RD3: variants seen among roughly 807,000 people sequenced by gnomAD.
RD3 encodes the protein protein RD3.
A neutral mutation model predicts 16.9 loss-of-function variants in RD3; 11 were observed. The ratio of observed to expected loss-of-function variants is 0.65; its 90% CI spans 0.41 to 1.08. The LOEUF is 1.08. Ranked by LOEUF, RD3 falls within the 50% of genes least tolerant of loss-of-function variation. RD3 has a pLI of 0.00. For synonymous variants in RD3, 116 were observed against 114.8 expected (o/e 1.01, Z -0.07); for missense variants, 274 against 267.4 (o/e 1.02, Z -0.17).
chr1:211,488,492 G>A (rs1157751305), intron 1 of RD3, among the ~76,000 whole-genome samples: 1 of 145,148 alleles, frequency 6.9e-6, no homozygotes, highest in Non-Finnish European at 1.5e-5. Flanking sequence ...CCAAGATGGT[G>A]CCACTGCACT....
chr1:211,487,248 C>A (rs1189627194), intron 1 of RD3, among the ~76,000 whole-genome samples: 1 of 152,200 alleles, frequency 6.6e-6, no homozygotes, highest in Non-Finnish European at 1.5e-5. Flanking sequence ...ATCCCTGCCC[C>A]GTTCATTCTC....
chr1:211,482,657 T>A (rs1461891334), intron 1 of RD3, among the ~76,000 whole-genome samples: 1 of 151,776 alleles, frequency 6.6e-6, no homozygotes, highest in East Asian at 1.9e-4. Flanking sequence ...AATACAAATT[T>A]AGTGAAGGAC....
rs1705214764 is a variant in RD3, at chr1:211,479,285, C to G, written c.339G>C (p.Glu113Asp). ...LLAEQEPEVQ[E>D]VSQLFRSVLQ... ...GCACCGAGCGGAAGAGCTGGGACAC[C>G]TCCTGCACCTCGGGCTCCTGCTCCG... Residue 113 changes from glutamate to aspartate, a missense_variant, in exon 3 of 3, where the codon GAG (glutamate) becomes GAC (aspartate). Glu to Asp is a conservative substitution (Grantham distance 45, BLOSUM62 2). Transcript: ENST00000680073. 6.2e-7 allele frequency: 1 copy of G among 1,605,224 alleles called. No individual in the cohort carries two copies. The highest frequency in any genetic ancestry group is 1.1e-5 in the South Asian group (1 of 89,316).
chr1:211,485,313 C>G (rs540407905), intron 1 of RD3, among the ~76,000 whole-genome samples: 1 of 152,270 alleles, frequency 6.6e-6, no homozygotes. Flanking sequence ...TCATCTCCTC[C>G]CCATCCCCTC....
At position 211,477,894 on chromosome 1, in the gene RD3, G is replaced by T. The variant is rs1260569990; in HGVS notation, c.*1142C>A. The stretch of plus-strand genomic sequence containing the variant: ...CCAGAGTGTGTGGGAAGGCCTCCTG[G>T]CCTTCCAGATTTTCCATGGGTGATC... On this transcript the variant is annotated 3_prime_UTR_variant, in exon 3 of 3. Transcript: ENST00000680073. The T allele has an allele frequency of 5.1e-6, 2 of 389,804 alleles. No homozygotes were observed. The highest frequency in any genetic ancestry group is 4.5e-6 in the Non-Finnish European group (1 of 221,312). The allele number at this position is 389,804 out of a possible 1,614,324, so 24.1% of individuals were successfully genotyped here.
chr1:211,484,953 C>T (rs780084417), intron 1 of RD3, among the ~76,000 whole-genome samples: 3 of 152,232 alleles, frequency 2.0e-5, no homozygotes, highest in African/African-American at 2.4e-5. Flanking sequence ...AGTGGGCGGG[C>T]GACTGTCTGG....
Position 211,482,381 on chromosome 1 carries a change from T to C in RD3, c.-11-955A>G, listed in dbSNP as rs191294909. Reference sequence around the variant, plus strand: ...TGCTCTCCAGGAGAGGCAAGATTTGTTGAGTAAACGCTGCAACATCAATGG... The same window carrying C: ...TGCTCTCCAGGAGAGGCAAGATTTGCTGAGTAAACGCTGCAACATCAATGG... On this transcript the variant is annotated intron_variant, in intron 1 of 2. Coordinates refer to ENST00000680073, the MANE Select transcript of RD3 (RefSeq NM_001164688.2). 3.3e-5 allele frequency among the ~76,000 whole-genome samples: 5 copies of C among 152,052 alleles called. No homozygotes were observed. The East Asian group carries it at 7.7e-4, about 23-fold the overall frequency.
At position 211,481,207 on chromosome 1, in the gene RD3, G is replaced by A. The variant is rs758477729; in HGVS notation, c.209C>T (p.Thr70Ile). 3 of 1,614,280 alleles carry A rather than the reference G, an allele frequency of 1.9e-6. No homozygotes were observed. Among genetic ancestry groups the A allele is most frequent in the Non-Finnish European group, 2.5e-6 (3 of 1,180,058 alleles). ...YSWLASTPRSTYDLSPIERLQ... is the reference protein window; with the variant it reads ...YSWLASTPRSIYDLSPIERLQ... The stretch of plus-strand genomic sequence containing the variant: ...CCGCTCAATGGGGCTGAGGTCATAG[G>A]TGGACCGGGGTGTGCTGGCCAGCCA... The change falls in exon 2 of 3, where the codon ACC becomes ATC. Residue 70 changes from threonine to isoleucine, a missense_variant. Physicochemically the swap from Thr to Ile is moderately conservative, Grantham distance 89. Coordinates refer to ENST00000680073, the MANE Select transcript of RD3 (RefSeq NM_001164688.2).
intron 1 of RD3, among the ~76,000 whole-genome samples, chr1:211,482,504 G>A (rs777891396): frequency 2.6e-5 from 4 of 151,882 alleles, no homozygotes; most frequent in Admixed American, 2.0e-4. Flanking sequence ...GGGCTGAGAG[G>A]TGAGTGCGGG....
intron 1 of RD3, among the ~76,000 whole-genome samples, chr1:211,487,708 T>C (rs1375410431): frequency 6.6e-6 from 1 of 152,232 alleles, no homozygotes; most frequent in Non-Finnish European, 1.5e-5. Context: ...TCTGCTGCTG[T>C]GTCTTTCTTC....
chr1:211,486,767 C>G (rs192757732), intron 1 of RD3, among the ~76,000 whole-genome samples: 1 of 147,206 alleles, frequency 6.8e-6, no homozygotes, highest in African/African-American at 2.5e-5. Context: ...GGCTTGAACC[C>G]GGGAGGCAGA....
At chr1:211,491,571 G>A (rs548173160) in intron 1 of RD3, among the ~76,000 whole-genome samples, 197 bp downstream of exon 1, 12 of 152,286 alleles carry the variant, frequency 7.9e-5, no homozygotes, top group African/African-American at 2.9e-4. Flanking sequence ...AACTCCTGTG[G>A]AACTGATGAG....
chr1:211,490,967 G>A (rs1338766989), intron 1 of RD3, among the ~76,000 whole-genome samples: 1 of 152,242 alleles, frequency 6.6e-6, no homozygotes, highest in Non-Finnish European at 1.5e-5. Flanking sequence ...CGAGAGGAAT[G>A]TGGGTTGAAT....
intron 1 of RD3, among the ~76,000 whole-genome samples, chr1:211,489,671 G>A (rs1558182532): frequency 6.6e-6 from 1 of 150,570 alleles, no homozygotes; most frequent in Middle Eastern, 3.4e-3. Flanking sequence ...TTCTAGGAAC[G>A]TGTCCACAGG....
At chr1:211,490,290 C>A (rs1530436) in intron 1 of RD3, among the ~76,000 whole-genome samples, 1 of 152,170 alleles carries the variant, frequency 6.6e-6, no homozygotes, top group Non-Finnish European at 1.5e-5. Context: ...GGCCCTGCGC[C>A]GGCCCCAGCC....
chr1:211,488,443 G>A (rs1705419671), intron 1 of RD3, among the ~76,000 whole-genome samples: 1 of 150,988 alleles, frequency 6.6e-6, no homozygotes, highest in Admixed American at 6.6e-5. Flanking sequence ...GCTGAGGCAT[G>A]AGAATTGCTT....
chr1:211,478,910 A>G lies in RD3; in HGVS notation c.*126T>C. ...CTTCATTTTATAGCAGCGTCTTGGG[A>G]TGGGGCCGCCTCTTGGGTCTCCTCG... On this transcript the variant is annotated 3_prime_UTR_variant, in exon 3 of 3. Coordinates refer to ENST00000680073, the MANE Select transcript of RD3 (RefSeq NM_001164688.2). 38 of 601,572 alleles carry G rather than the reference A, an allele frequency of 6.3e-5. No individual in the cohort carries two copies. The highest frequency in any genetic ancestry group is 5.3e-5 in the Non-Finnish European group (20 of 378,388). The allele number at this position is 601,572 out of a possible 1,614,324, so 37.3% of individuals were successfully genotyped here.
At chr1:211,485,668 T>G (rs1481788663) in intron 1 of RD3, among the ~76,000 whole-genome samples, 3 of 152,164 alleles carry the variant, frequency 2.0e-5, no homozygotes, top group South Asian at 2.1e-4. Flanking sequence ...CTACACTGCC[T>G]GGCTCCAGAT....
At chr1:211,487,694 C>T (rs1705401560) in intron 1 of RD3, among the ~76,000 whole-genome samples, 1 of 152,236 alleles carries the variant, frequency 6.6e-6, no homozygotes, top group African/African-American at 2.4e-5. Context: ...CTATTCTGCT[C>T]ATTTCTGCTG....
Sources: gnomAD v4.1 joint callset for allele counts (sites outside exome capture counted in the v4.1 genomes callset) on GRCh38, gnomAD v4.1.1 for gene constraint, MANE v1.5 for transcripts, NCBI Gene and HGNC (gene_info 2026-07-23, HGNC 2026-07-21) for gene names.